The following PDGFD variants were observed in gnomAD, a reference collection of about 807,000 sequenced individuals.
The protein encoded by PDGFD is platelet-derived growth factor D.
A neutral mutation model predicts 44.7 loss-of-function variants in PDGFD; 30 were observed. The ratio of observed to expected loss-of-function variants is 0.67; its 90% CI spans 0.50 to 0.91. The LOEUF is 0.91. Among genes scored for constraint, PDGFD ranks in the 40% least tolerant of loss-of-function variants. The pLI, the probability that PDGFD is intolerant of heterozygous loss-of-function variation, is 0.00. For synonymous variants in PDGFD, 173 were observed against 168.4 expected, an observed-to-expected ratio of 1.03 and a Z score of -0.21; for missense variants, 445 against 457.8, an observed-to-expected ratio of 0.97 and a Z score of 0.25.
chr11:104,037,837 C>T, intron 1 of PDGFD: 9 of 1,614,152 alleles, frequency 5.6e-6, no homozygotes, highest in Non-Finnish European at 6.8e-6. Flanking sequence ...CCGGAGACAT[C>T]AATGTTCCAT....
intron 3 of PDGFD, among the ~76,000 whole-genome samples, chr11:103,948,243 G>A (rs950989384): frequency 2.0e-5 from 3 of 152,058 alleles, no homozygotes; most frequent in African/African-American, 7.2e-5. Flanking sequence ...TCTTTTCAAC[G>A]ATACACTAAC....
chr11:104,084,180 T>A (rs988571700), intron 1 of PDGFD, among the ~76,000 whole-genome samples: 1 of 152,136 alleles, frequency 6.6e-6, no homozygotes, highest in Non-Finnish European at 1.5e-5. Context: ...TGCCTGCACT[T>A]ATGGAACTCC....
At chr11:104,084,809 GTAT>G (rs1360487615) in intron 1 of PDGFD, among the ~76,000 whole-genome samples, 1 of 142,802 alleles carries the variant, frequency 7.0e-6, no homozygotes, top group African/African-American at 2.6e-5. Context: ...TATTTTATAA[GTAT>G]TATAAAATAT....
At chr11:104,072,617 C>A (rs1297942466) in intron 1 of PDGFD, among the ~76,000 whole-genome samples, 2 of 151,844 alleles carry the variant, frequency 1.3e-5, no homozygotes, top group African/African-American at 4.8e-5. Context: ...TGAAAGTTAA[C>A]AGATATAATA....
intron 2 of PDGFD, among the ~76,000 whole-genome samples, chr11:103,998,650 A>C (rs1291956748): frequency 6.6e-6 from 1 of 152,200 alleles, no homozygotes; most frequent in East Asian, 1.9e-4. Flanking sequence ...TCAACCCAAG[A>C]AGAGGGTTAT....
intron 1 of PDGFD, among the ~76,000 whole-genome samples, chr11:104,100,712 G>C (rs1312582834): frequency 6.6e-6 from 1 of 152,114 alleles, no homozygotes; most frequent in Non-Finnish European, 1.5e-5. Context: ...TAAAATACTG[G>C]CAAACCGAAT....
chr11:104,095,681 T>C (rs1443614651), intron 1 of PDGFD, among the ~76,000 whole-genome samples: 1 of 152,186 alleles, frequency 6.6e-6, no homozygotes, highest in African/African-American at 2.4e-5. Flanking sequence ...ACCATTTTCC[T>C]TTAAGATTTA....
chr11:104,043,635 T>G (rs1860394540), intron 1 of PDGFD, among the ~76,000 whole-genome samples: 1 of 152,188 alleles, frequency 6.6e-6, no homozygotes. Context: ...GGCTCATGGT[T>G]CTGCTTACTG....
At chr11:103,954,552 G>A (rs1179207526) in intron 3 of PDGFD, among the ~76,000 whole-genome samples, 3 of 152,186 alleles carry the variant, frequency 2.0e-5, no homozygotes, top group Non-Finnish European at 4.4e-5. Flanking sequence ...TAAAACATAT[G>A]CAGTTACTTG....
chr11:103,912,554 T>C (rs971783346), intron 6 of PDGFD, among the ~76,000 whole-genome samples: 8 of 152,186 alleles, frequency 5.3e-5, no homozygotes, highest in Non-Finnish European at 1.2e-4. Context: ...ATTGATGCTA[T>C]GAAGAAAGTG....
chr11:103,981,618 T>A lies in PDGFD; in HGVS notation c.510+14447A>T, dbSNP rs987392204. On this transcript the variant is annotated intron_variant, in intron 3 of 6. Transcript: ENST00000393158. Reference sequence around the variant, plus strand: ...TAATTGACACTCTAGATCTCATAGATAATACACAGATTTGAATTTGAGTGT... The same window carrying A: ...TAATTGACACTCTAGATCTCATAGAAAATACACAGATTTGAATTTGAGTGT... Among the ~76,000 whole-genome samples the A allele has an allele frequency of 1.8e-4, 28 of 151,824 alleles. 1 individual carries two copies. The highest frequency in any genetic ancestry group is 6.8e-4 in the African/African-American group (28 of 41,152).
intron 1 of PDGFD, among the ~76,000 whole-genome samples, chr11:104,080,889 T>C (rs1270776901): frequency 2.6e-5 from 4 of 152,030 alleles, no homozygotes; most frequent in African/African-American, 7.3e-5. Context: ...GAGAAGACCA[T>C]ATGGGGAAAA....
intron 1 of PDGFD, among the ~76,000 whole-genome samples, chr11:104,059,866 G>A (rs1403693624): frequency 6.6e-6 from 1 of 152,136 alleles, no homozygotes; most frequent in Non-Finnish European, 1.5e-5. Context: ...CTAACCTCTA[G>A]CAAACTGGCT....
Position 103,995,051 on chromosome 11 carries a change from A to T in PDGFD, c.510+1014T>A, listed in dbSNP as rs1273373180. Among the ~76,000 whole-genome samples, 4 of 151,886 alleles carry T rather than the reference A, an allele frequency of 2.6e-5. No individual in the cohort carries two copies. The East Asian group carries it at 5.8e-4, about 22-fold the overall frequency. On this transcript the variant is annotated intron_variant, in intron 3 of 6. Transcript: ENST00000393158. ...ACACCACTAAACCAAGCAAATTTTT[A>T]AATTTTTTTTGTAGAGATAGGGTCT...
chr11:104,047,847 T>TA (rs769298863), intron 1 of PDGFD, among the ~76,000 whole-genome samples: 8 of 152,126 alleles, frequency 5.3e-5, no homozygotes, highest in Non-Finnish European at 1.2e-4. Context: ...CAGCATCCTT[T>TA]AGTCGAGCCA....
In PDGFD at chr11:103,990,678, G is replaced by A. The variant is rs1306725484; in HGVS notation, c.510+5387C>T. ...GAAATCTCCAGTGGGATATATTTGA[G>A]GGAAAGAAACTGAGGTAAACAGAAT... On this transcript the variant is annotated intron_variant, in intron 3 of 6. Transcript: ENST00000393158. Among the ~76,000 whole-genome samples, 7 of 152,234 alleles carry A rather than the reference G, an allele frequency of 4.6e-5. No individual in the cohort carries two copies. The East Asian group carries it at 1.4e-3, about 29-fold the overall frequency.
intron 1 of PDGFD, among the ~76,000 whole-genome samples, chr11:104,159,871 C>A (rs1052446992): frequency 1.3e-5 from 2 of 152,080 alleles, no homozygotes; most frequent in African/African-American, 4.8e-5. Flanking sequence ...CTGGCTAAAC[C>A]CTGCTCTTTA....
chr11:103,927,895 C>T (rs1858343224), intron 5 of PDGFD, among the ~76,000 whole-genome samples: 1 of 152,206 alleles, frequency 6.6e-6, no homozygotes, highest in South Asian at 2.1e-4. Flanking sequence ...ATGTAACGTG[C>T]CTGGCACTCA....
chr11:104,054,232 T>A (rs1860587634), intron 1 of PDGFD, among the ~76,000 whole-genome samples: 1 of 152,226 alleles, frequency 6.6e-6, no homozygotes, highest in South Asian at 2.1e-4. Flanking sequence ...AAATAAAGCT[T>A]TGGTAAAATG....
Sources: allele counts gnomAD v4.1 joint callset (sites outside exome capture counted in the v4.1 genomes callset), GRCh38; gene constraint gnomAD v4.1.1; transcripts MANE v1.5; gene names NCBI Gene and HGNC (gene_info 2026-07-23, HGNC 2026-07-21).